LOXHD1: variants seen among roughly 807,000 people sequenced by gnomAD.
LOXHD1 encodes lipoxygenase homology PLAT domains 1.
A neutral mutation model predicts 248.2 loss-of-function variants in LOXHD1; 205 were observed. The ratio of observed to expected loss-of-function variants is 0.83; its 90% CI spans 0.74 to 0.93. The LOEUF (loss-of-function observed/expected upper bound fraction) is 0.93, where lower values mean the gene tolerates loss of function less well. Among genes scored for constraint, LOXHD1 ranks in the 40% least tolerant of loss-of-function variants. LOXHD1 has a pLI of 0.00. For missense variants in LOXHD1, 2,930 were observed against 2,971.6 expected (o/e 0.99, Z 0.33); for synonymous variants, 1,113 against 1,162.8 (o/e 0.96, Z 0.87).
intron 24 of LOXHD1, among the ~76,000 whole-genome samples, chr18:46,542,258 A>C (rs1568161699): frequency 6.6e-6 from 1 of 152,168 alleles, no homozygotes. Flanking sequence ...TTCCTTGAAG[A>C]AGGGGCTTCA....
At chr18:46,535,196 C>T (rs909257553) in intron 26 of LOXHD1, among the ~76,000 whole-genome samples, 3 of 152,080 alleles carry the variant, frequency 2.0e-5, no homozygotes, top group Non-Finnish European at 2.9e-5. Context: ...CACTGAGAAC[C>T]ACAAGGCAGG....
intron 14 of LOXHD1, 82 bp downstream of exon 14, chr18:46,577,625 A>G (rs1599021567): frequency 2.1e-6 from 3 of 1,461,248 alleles, no homozygotes; most frequent in Non-Finnish European, 2.8e-6. Context: ...CTTGCTGGTC[A>G]TGGTAGTAGG....
At chr18:46,508,161 G>A (rs1396597829) in intron 35 of LOXHD1, among the ~76,000 whole-genome samples, 1 of 152,190 alleles carries the variant, frequency 6.6e-6, no homozygotes, top group Non-Finnish European at 1.5e-5. Flanking sequence ...AACAGGGGAG[G>A]AGGAGCCTGA....
chr18:46,526,876 A>G (rs1366252349), intron 29 of LOXHD1, among the ~76,000 whole-genome samples: 3 of 152,174 alleles, frequency 2.0e-5, no homozygotes, highest in African/African-American at 7.2e-5. Context: ...GGAACCTGGC[A>G]ATTGATTGGA....
chr18:46,480,584 C>T (rs904226411), intron 40 of LOXHD1, among the ~76,000 whole-genome samples: 21 of 152,268 alleles, frequency 1.4e-4, no homozygotes, highest in Middle Eastern at 3.4e-3. Flanking sequence ...GTGGGCCCTG[C>T]AGACTTACAC....
rs115275492 is a variant in LOXHD1 at position 46,642,008 on chromosome 18, C to T, written c.274G>A (p.Val92Ile). Residue 92 changes from valine to isoleucine, a missense_variant, in exon 3 of 41, where the codon GTC (valine) becomes ATC (isoleucine). Transcript: ENST00000642948. ...KSKSAFEKGN[V>I]DVFRVRTNNV... Reference sequence around the variant, plus strand: ...TTGGTTCTCACCCGGAACACATCGACGTTGCCCTTCTCAAAGGCAGACTTG... The same window carrying T: ...TTGGTTCTCACCCGGAACACATCGATGTTGCCCTTCTCAAAGGCAGACTTG... 1,718 of 1,552,360 alleles carry T rather than the reference C, an allele frequency of 1.1e-3. 18 individuals are homozygous for T. The African/African-American group carries it at 0.021, about 19-fold the overall frequency.
chr18:46,583,156 G>A (rs1478328403), intron 12 of LOXHD1, among the ~76,000 whole-genome samples: 1 of 151,972 alleles, frequency 6.6e-6, no homozygotes, highest in Non-Finnish European at 1.5e-5. Flanking sequence ...CCATAAAACT[G>A]GCTCAAGAAA....
intron 4 of LOXHD1, among the ~76,000 whole-genome samples, 187 bp from the exon 5 acceptor site, chr18:46,618,477 T>C (rs2038622106): frequency 1.3e-5 from 2 of 152,180 alleles, no homozygotes; most frequent in African/African-American, 2.4e-5. Context: ...GCATGAATTG[T>C]CATCATTACT....
intron 12 of LOXHD1, among the ~76,000 whole-genome samples, chr18:46,587,350 T>A (rs1467238099): frequency 1.3e-5 from 2 of 152,208 alleles, no homozygotes; most frequent in African/African-American, 4.8e-5. Flanking sequence ...TTAATTATGA[T>A]GAAGGCCAGT....
At chr18:46,644,118 A>G (rs1208088855) in intron 2 of LOXHD1, among the ~76,000 whole-genome samples, 1 of 152,126 alleles carries the variant, frequency 6.6e-6, no homozygotes, top group Non-Finnish European at 1.5e-5. Context: ...GCACAATCCC[A>G]TGTTTCAGCA....
At chr18:46,642,336 G>A (rs2038973169) in intron 2 of LOXHD1, among the ~76,000 whole-genome samples, 1 of 152,198 alleles carries the variant, frequency 6.6e-6, no homozygotes, top group Non-Finnish European at 1.5e-5. Flanking sequence ...AGCAGAGCTG[G>A]GACCAGAACC....
chr18:46,563,298 C>G, intron 17 of LOXHD1, 73 bp from the exon 18 acceptor site: 1 of 1,382,770 alleles, frequency 7.2e-7, no homozygotes, highest in Non-Finnish European at 9.5e-7. Flanking sequence ...ACAAAACAAA[C>G]CTTTCCTGAG....
chr18:46,487,675 T>C (rs976565204), intron 38 of LOXHD1, among the ~76,000 whole-genome samples: 2 of 152,192 alleles, frequency 1.3e-5, no homozygotes, highest in Non-Finnish European at 2.9e-5. Flanking sequence ...ATGGAAGCTA[T>C]TAAGCTGAAA....
intron 31 of LOXHD1, among the ~76,000 whole-genome samples, chr18:46,523,371 T>C (rs546526919): frequency 3.3e-5 from 5 of 152,250 alleles, no homozygotes; most frequent in African/African-American, 4.8e-5. Flanking sequence ...CTTGGAACCA[T>C]AGGCAACATT....
At chr18:46,549,774 G>A (rs1009041544) in intron 21 of LOXHD1, among the ~76,000 whole-genome samples, 5 of 152,192 alleles carry the variant, frequency 3.3e-5, no homozygotes, top group Admixed American at 2.0e-4. Flanking sequence ...TTCAAGAATG[G>A]TATCTGTCTT....
rs371770782 is a variant in LOXHD1, at chr18:46,485,097, C to T, written c.6104G>A (p.Trp2035Ter). The T allele has an allele frequency of 1.3e-6, 2 of 1,550,462 alleles. No individual in the cohort carries two copies. The highest frequency in any genetic ancestry group is 1.7e-6 in the Non-Finnish European group (2 of 1,146,660). ...GNGGETRENVWLILEGRKNRS... is the reference protein window; with the variant it reads ...GNGGETRENV ...GTTCTTCCTGCCCTCCAGGATGAGC[C>T]AGACGTTCTCCCTGGTTTCGCCTCC... Residue 2035 changes from tryptophan to a stop codon, truncating the protein, a stop_gained, in exon 39 of 41, where the codon TGG becomes TAG. Transcript: ENST00000642948. LOFTEE classifies it high-confidence loss of function.
intron 37 of LOXHD1, among the ~76,000 whole-genome samples, chr18:46,498,069 C>A (rs116900924): frequency 0.013 from 2,025 of 152,334 alleles, 14 homozygotes; most frequent in Non-Finnish European, 0.02. Flanking sequence ...TAATTGGTTT[C>A]TGTGCCCCAA....
intron 14 of LOXHD1, among the ~76,000 whole-genome samples, chr18:46,574,825 T>C (rs773015608): frequency 1.4e-4 from 21 of 152,086 alleles, no homozygotes; most frequent in African/African-American, 3.1e-4. Context: ...AGACAAGGGA[T>C]TGGGTCAAAG....
intron 25 of LOXHD1, among the ~76,000 whole-genome samples, chr18:46,539,595 G>A (rs1395184741): frequency 1.3e-5 from 2 of 152,114 alleles, no homozygotes; most frequent in Non-Finnish European, 1.5e-5. Context: ...GTAACTATAG[G>A]TTAGTTCATT....
Sources: gnomAD v4.1 joint callset for allele counts (sites outside exome capture counted in the v4.1 genomes callset) on GRCh38, gnomAD v4.1.1 for gene constraint, MANE v1.5 for transcripts, NCBI Gene and HGNC (gene_info 2026-07-23, HGNC 2026-07-21) for gene names.